Variants in LRRIQ1 observed in about 807,000 individuals in gnomAD.
LRRIQ1 encodes the protein leucine-rich repeat- and IQ domain-containing protein 1.
In LRRIQ1, 210 loss-of-function variants were observed where a neutral mutation model predicts 211.9. The ratio of observed to expected loss-of-function variants is 0.99; its 90% CI spans 0.89 to 1.11. The LOEUF is 1.11. Ranked by LOEUF, LRRIQ1 falls within the 50% of genes most tolerant of loss-of-function variation. The pLI, the probability that LRRIQ1 is intolerant of heterozygous loss-of-function variation, is 0.00. For synonymous variants in LRRIQ1, 699 were observed against 650.1 expected, an observed-to-expected ratio of 1.08 and a Z score of -1.14; for missense variants, 2,136 against 1,939.5, an observed-to-expected ratio of 1.10 and a Z score of -1.90.
downstream of LRRIQ1, among the ~76,000 whole-genome samples, chr12:85,249,527 C>T (rs1895839145): frequency 6.6e-6 from 1 of 151,770 alleles, no homozygotes; most frequent in African/African-American, 2.4e-5. Context: ...ATAAACCACA[C>T]ATCATGATAG....
At chr12:85,103,574 A>G (rs1176674246) in intron 13 of LRRIQ1, among the ~76,000 whole-genome samples, 1 of 151,732 alleles carries the variant, frequency 6.6e-6, no homozygotes, top group East Asian at 1.9e-4. Flanking sequence ...GTACCTTAAA[A>G]GTTTTGGTTA....
intron 24 of LRRIQ1, among the ~76,000 whole-genome samples, chr12:85,168,200 T>C (rs1891243916): frequency 6.6e-6 from 1 of 152,102 alleles, no homozygotes; most frequent in Non-Finnish European, 1.5e-5. Flanking sequence ...CAAACCTTCA[T>C]TCCTGAAGGG....
chr12:85,207,744 G>C lies in LRRIQ1; in HGVS notation c.4823-21773G>C, dbSNP rs79903847. On this transcript the variant is annotated intron_variant, in intron 24 of 26. Coordinates refer to ENST00000393217, the MANE Select transcript of LRRIQ1 (RefSeq NM_001079910.2). The stretch of plus-strand genomic sequence containing the variant: ...TAGATTCTTTTTTTGGGAGTGGGGA[G>C]GCATGTATCCAGTTGTTCCGACATC... Among the ~76,000 whole-genome samples the C allele has an allele frequency of 6.2e-3, 938 of 152,124 alleles. 7 individuals are homozygous for C. The highest frequency in any genetic ancestry group is 0.022 in the African/African-American group (904 of 41,512).
chr12:85,252,841 C>T (rs1195407615), intron 1 of LRRIQ1, among the ~76,000 whole-genome samples: 1 of 151,858 alleles, frequency 6.6e-6, no homozygotes, highest in Non-Finnish European at 1.5e-5. Context: ...ATTCAACAAA[C>T]TCCTATTGAG....
chr12:85,176,603 GA>G (rs1207591726), intron 24 of LRRIQ1, among the ~76,000 whole-genome samples: 1 of 104,656 alleles, frequency 9.6e-6, no homozygotes, highest in East Asian at 3.6e-4. Flanking sequence ...GGGGTGGGGG[GA>G]GGGGGGAGGG....
intron 14 of LRRIQ1, among the ~76,000 whole-genome samples, chr12:85,105,253 T>C (rs1886686665): frequency 6.6e-6 from 1 of 152,122 alleles, no homozygotes; most frequent in Non-Finnish European, 1.5e-5. Flanking sequence ...CCTTTTATAA[T>C]AAAATTTTCA....
rs947460522 is a variant in LRRIQ1 at position 85,138,465 on chromosome 12, A to C, written c.4329+496A>C. Among the ~76,000 whole-genome samples the C allele has an allele frequency of 2.0e-5, 3 of 151,604 alleles. No individual in the cohort carries two copies. The East Asian group carries it at 5.8e-4, about 29-fold the overall frequency. On this transcript the variant is annotated intron_variant, in intron 19 of 26. Transcript: ENST00000393217. ...GAATATCTCTGAATTTGTGTTTGTT[A>C]CATAGTCTCTTCTCATTGTATTCAG...
At position 85,257,038 on chromosome 12, in the gene LRRIQ1, TTATATAATTATA is replaced by T. The variant is rs1242145763; in HGVS notation, c.122-5862_122-5851del. Among the ~76,000 whole-genome samples the T allele has an allele frequency of 1.0e-2, 1,173 of 117,564 alleles. 14 individuals carry two copies. Among genetic ancestry groups the T allele is most frequent in the Middle Eastern group, 0.027 (6 of 220 alleles). The allele number at this position is 117,564 out of a possible 152,430, so 77.1% of individuals were successfully genotyped here. On this transcript the variant is annotated intron_variant, in intron 1 of 1. Coordinates refer to the LRRIQ1 transcript ENST00000602731. Reference sequence around the variant, plus strand: ...GTAATATATATACATATAATATATATTATATAATTATATATATAATTATATAATTATATAAAT... The same window carrying T: ...GTAATATATATACATATAATATATATTATATAATTATATAATTATATAAAT...
At chr12:85,125,438 G>A (rs1888308632) in intron 17 of LRRIQ1, among the ~76,000 whole-genome samples, 1 of 152,082 alleles carries the variant, frequency 6.6e-6, no homozygotes, top group Non-Finnish European at 1.5e-5. Context: ...ACTTTGGCCT[G>A]TCAATTTCTT....
intron 1 of LRRIQ1, among the ~76,000 whole-genome samples, chr12:85,260,785 A>G (rs866926614): frequency 2.0e-5 from 3 of 152,312 alleles, no homozygotes; most frequent in South Asian, 4.1e-4. Flanking sequence ...TAGACATTCC[A>G]TTCTGTTATC....
At chr12:85,165,559 G>A (rs1271767807) in intron 24 of LRRIQ1, among the ~76,000 whole-genome samples, 2 of 140,780 alleles carry the variant, frequency 1.4e-5, no homozygotes, top group African/African-American at 5.4e-5. Context: ...TGCAACCTCT[G>A]CCTCCCAGGT....
downstream of LRRIQ1, among the ~76,000 whole-genome samples, chr12:85,264,883 C>A (rs1436094316): frequency 6.6e-6 from 1 of 152,036 alleles, no homozygotes; most frequent in Non-Finnish European, 1.5e-5. Context: ...TCTCACCTTT[C>A]TGTAAATACC....
At position 85,052,229 on chromosome 12, in the gene LRRIQ1, A is replaced by T; in HGVS notation, c.731A>T (p.Lys244Ile). The T allele has an allele frequency of 6.4e-7, 1 of 1,558,326 alleles. No individual in the cohort carries two copies. Among genetic ancestry groups the T allele is most frequent in the South Asian group, 1.2e-5 (1 of 84,112 alleles). Reference sequence around the variant, plus strand: ...CTCTATAAAGAAGAGAAAATTTGGAAAGAGAAATTTAAACAGCATGAGGTA... The same window carrying T: ...CTCTATAAAGAAGAGAAAATTTGGATAGAGAAATTTAAACAGCATGAGGTA... ...DELYKEEKIWKEKFKQHEEYI... is the reference protein window; with the variant it reads ...DELYKEEKIWIEKFKQHEEYI... Residue 244 changes from lysine (K) to isoleucine (I), a missense_variant, in exon 7 of 27, where the codon AAA becomes ATA. Lys to Ile is a moderately radical substitution (Grantham distance 102). Coordinates refer to ENST00000393217, the MANE Select transcript of LRRIQ1 (RefSeq NM_001079910.2).
At chr12:85,250,971 A>ATAT (rs1463320795) in intron 1 of LRRIQ1, among the ~76,000 whole-genome samples, 2 of 105,448 alleles carry the variant, frequency 1.9e-5, no homozygotes, top group African/African-American at 7.3e-5. Flanking sequence ...ATTATATTAT[A>ATAT]TATATTATAG....
At chr12:85,149,391 C>A (rs1186281542) in intron 19 of LRRIQ1, among the ~76,000 whole-genome samples, 1 of 151,840 alleles carries the variant, frequency 6.6e-6, no homozygotes, top group African/African-American at 2.4e-5. Flanking sequence ...TTCTCAGCAC[C>A]ATTTATTGAA....
At chr12:85,162,600 A>G (rs1890942467) in intron 24 of LRRIQ1, among the ~76,000 whole-genome samples, 1 of 152,194 alleles carries the variant, frequency 6.6e-6, no homozygotes, top group African/African-American at 2.4e-5. Flanking sequence ...CTAGAATAGT[A>G]TAATATGTAT....
chr12:85,239,402 C>G (rs1050966050), intron 26 of LRRIQ1, among the ~76,000 whole-genome samples: 4 of 140,782 alleles, frequency 2.8e-5, no homozygotes, highest in Admixed American at 1.5e-4. Flanking sequence ...TATATATACA[C>G]ACACATATAT....
chr12:85,173,728 G>C (rs958751667), intron 24 of LRRIQ1, among the ~76,000 whole-genome samples: 1 of 151,774 alleles, frequency 6.6e-6, no homozygotes, highest in African/African-American at 2.4e-5. Flanking sequence ...CCATCATGAG[G>C]ATCCCACCCT....
intron 13 of LRRIQ1, among the ~76,000 whole-genome samples, chr12:85,099,629 C>T (rs1411123192): frequency 6.6e-6 from 1 of 151,752 alleles, no homozygotes; most frequent in Non-Finnish European, 1.5e-5. Context: ...TCATTGTAAT[C>T]CATTCACTAT....
Sources: gnomAD v4.1 joint callset for allele counts (sites outside exome capture counted in the v4.1 genomes callset) on GRCh38, gnomAD v4.1.1 for gene constraint, MANE v1.5 for transcripts, NCBI Gene and HGNC (gene_info 2026-07-23, HGNC 2026-07-21) for gene names.